The following KDM3A variants were observed in gnomAD, a reference collection of about 807,000 sequenced individuals.
KDM3A encodes lysine-specific demethylase 3A.
KDM3A carries 60 observed loss-of-function variants against 158.0 expected under a neutral mutation model. The ratio of observed to expected loss-of-function variants is 0.38; its 90% CI spans 0.31 to 0.47. The LOEUF (loss-of-function observed/expected upper bound fraction) is 0.47, where lower values mean the gene tolerates loss of function less well. Among genes scored for constraint, KDM3A ranks in the 20% least tolerant of loss-of-function variants. The pLI, the probability that KDM3A is intolerant of heterozygous loss-of-function variation, is 0.99. For missense variants in KDM3A, 1,319 were observed against 1,574.3 expected (o/e 0.84, Z 2.74); for synonymous variants, 608 against 549.3 (o/e 1.11, Z -1.49).
chr2:86,488,973 T>C (rs997741995), intron 21 of KDM3A: 3 of 225,978 alleles, frequency 1.3e-5, no homozygotes, highest in African/African-American at 7.0e-5. Context: ...GGACTCCCCA[T>C]CTCGAGTGGT....
At chr2:86,474,701 TTGTGTG>T (rs369518183) in intron 11 of KDM3A, 69 bp from the exon 12 acceptor site, 965 of 429,126 alleles carry the variant, frequency 2.2e-3, no homozygotes, top group African/African-American at 6.5e-3. Context: ...TGTAAATAAG[TTGTGTG>T]TGTGTGTGTG....
chr2:86,481,634 T>TA (rs1180871868), intron 16 of KDM3A, among the ~76,000 whole-genome samples: 1 of 152,144 alleles, frequency 6.6e-6, no homozygotes, highest in Non-Finnish European at 1.5e-5. Flanking sequence ...ATGCTGCCAA[T>TA]ATTTGTAGAC....
At chr2:86,465,386 GTT>G (rs112192028) in intron 9 of KDM3A, among the ~76,000 whole-genome samples, 1 of 151,562 alleles carries the variant, frequency 6.6e-6, no homozygotes, top group East Asian at 1.9e-4. Flanking sequence ...CAGTTTGTTA[GTT>G]TTTTTTTAGT....
intron 2 of KDM3A, among the ~76,000 whole-genome samples, chr2:86,446,801 C>G (rs1236521504): frequency 3.9e-5 from 6 of 152,148 alleles, no homozygotes; most frequent in African/African-American, 1.2e-4. Context: ...AACCTTAAGG[C>G]ACAAATGAAA....
chr2:86,489,118 T>C, intron 21 of KDM3A, 200 bp from the exon 22 acceptor site: 1 of 547,824 alleles, frequency 1.8e-6, no homozygotes, highest in Non-Finnish European at 3.1e-6. Flanking sequence ...CATTTCCTGC[T>C]GTTTTTGGCT....
At chr2:86,444,344 C>T (rs982790268) in intron 2 of KDM3A, among the ~76,000 whole-genome samples, 1 of 152,138 alleles carries the variant, frequency 6.6e-6, no homozygotes, top group Non-Finnish European at 1.5e-5. Flanking sequence ...GGATTTTTGC[C>T]TTACTTGTAC....
At chr2:86,484,504 T>A (rs553885321) in intron 19 of KDM3A, among the ~76,000 whole-genome samples, 1 of 152,166 alleles carries the variant, frequency 6.6e-6, no homozygotes, top group Non-Finnish European at 1.5e-5. Flanking sequence ...GTTGGTTAGT[T>A]GGGATGCTGC....
upstream of KDM3A, among the ~76,000 whole-genome samples, chr2:86,437,489 G>A (rs1216613898): frequency 6.6e-6 from 1 of 152,122 alleles, no homozygotes; most frequent in Admixed American, 6.5e-5. Context: ...AGCATGTATT[G>A]CATAGTTTAT....
rs1047064452 is a variant in KDM3A at position 86,492,630 on chromosome 2, C to T, written c.*511C>T. The T allele has an allele frequency of 1.3e-5, 2 of 152,740 alleles. No individual in the cohort carries two copies. The highest frequency in any genetic ancestry group is 6.5e-5 in the Admixed American group (1 of 15,288). The allele number at this position is 152,740 out of a possible 1,614,324, so 9.5% of individuals were successfully genotyped here. On this transcript the variant is annotated 3_prime_UTR_variant, in exon 26 of 26. Transcript: ENST00000312912. ...TACTGTACAATTTCTTGGGGTTAAC[C>T]ATCTTTAGTTAAATGGAATTTTAAT...
intron 21 of KDM3A, 48 bp from the exon 22 acceptor site, chr2:86,489,270 G>A (rs1271903393): frequency 1.3e-6 from 2 of 1,589,876 alleles, no homozygotes. Flanking sequence ...AAAGACTGTG[G>A]CAGCCTTTGT....
At position 86,492,621 on chromosome 2, in the gene KDM3A, G is replaced by T. The variant is rs760201986; in HGVS notation, c.*502G>T. On this transcript the variant is annotated 3_prime_UTR_variant, in exon 26 of 26. Transcript: ENST00000312912. ...GAAATCAACTACTGTACAATTTCTT[G>T]GGGTTAACCATCTTTAGTTAAATGG... The T allele has an allele frequency of 3.9e-5, 6 of 152,936 alleles. No homozygotes were observed. The highest frequency in any genetic ancestry group is 1.4e-4 in the African/African-American group (6 of 41,572). 9.5% of individuals were successfully genotyped at this position (152,936 alleles called of 1,614,324 possible).
chr2:86,444,607 TAA>T (rs1682879493), intron 2 of KDM3A, among the ~76,000 whole-genome samples: 1 of 139,340 alleles, frequency 7.2e-6, no homozygotes, highest in South Asian at 2.2e-4. Flanking sequence ...ACCAAGTAAC[TAA>T]GACCATGCTT....
intron 19 of KDM3A, 133 bp from the exon 20 acceptor site, chr2:86,484,809 A>G (rs1466432164): frequency 7.1e-6 from 4 of 559,948 alleles, no homozygotes; most frequent in Non-Finnish European, 9.6e-6. Context: ...TGTATACTAA[A>G]TTTATCAGGT....
In KDM3A at chr2:86,466,272, T is replaced by A. The variant is rs535901695; in HGVS notation, c.1008-100T>A. ...CATATGAGAAATTTTCTTTTTTCTT[T>A]CATACTCGTTACCTTAGGGAACCAA... On this transcript the variant is annotated intron_variant, in intron 9 of 25. Transcript: ENST00000312912. The A allele has an allele frequency of 1.9e-4, 232 of 1,249,492 alleles. No homozygotes were observed. In the African/African-American group the frequency reaches 3.2e-3, roughly 17 times the overall value. The allele number at this position is 1,249,492 out of a possible 1,614,324, so 77.4% of individuals were successfully genotyped here. A position where few individuals can be genotyped will look rare whatever the true frequency, so the allele number is the denominator to read the frequency against.
In KDM3A at chr2:86,487,867, C is replaced by T. The variant is rs569324336; in HGVS notation, c.3314-1451C>T. On this transcript the variant is annotated intron_variant, in intron 21 of 25. Coordinates refer to ENST00000312912, the MANE Select transcript of KDM3A (RefSeq NM_018433.6). The stretch of plus-strand genomic sequence containing the variant: ...GACTGGGATCCAGTGGACTTTGGGC[C>T]AGTGGCTGGGCAGCAGTTATTTCCT... 2.6e-5 allele frequency: 4 copies of T among 152,262 alleles called. No individual in the cohort carries two copies. The South Asian group carries it at 8.3e-4, about 32-fold the overall frequency. 9.4% of individuals were successfully genotyped at this position (152,262 alleles called of 1,614,324 possible).
At chr2:86,444,460 C>T (rs915016419) in intron 2 of KDM3A, among the ~76,000 whole-genome samples, 3 of 151,898 alleles carry the variant, frequency 2.0e-5, no homozygotes, top group African/African-American at 4.8e-5. Context: ...AGTTTGGGGG[C>T]CATGTTGCAT....
intron 2 of KDM3A, among the ~76,000 whole-genome samples, 198 bp from the exon 3 acceptor site, chr2:86,449,609 G>T (rs779840461): frequency 9.9e-5 from 15 of 152,192 alleles, no homozygotes; most frequent in African/African-American, 2.9e-4. Flanking sequence ...CCCGAAGTGA[G>T]TTGGGAGCCA....
At chr2:86,458,513 G>A (rs1429429342) in intron 8 of KDM3A, among the ~76,000 whole-genome samples, 3 of 152,208 alleles carry the variant, frequency 2.0e-5, no homozygotes, top group Non-Finnish European at 2.9e-5. Context: ...TACTCACTGT[G>A]TGGTGGATAC....
chr2:86,438,243 T>G (rs571751544), upstream of KDM3A, among the ~76,000 whole-genome samples: 30 of 152,150 alleles, frequency 2.0e-4, no homozygotes, highest in Non-Finnish European at 3.2e-4. Flanking sequence ...TATTTTCTCC[T>G]TTAATTTGTT....
Sources: gnomAD v4.1 joint callset for allele counts (sites outside exome capture counted in the v4.1 genomes callset) on GRCh38, gnomAD v4.1.1 for gene constraint, MANE v1.5 for transcripts, NCBI Gene and HGNC (gene_info 2026-07-23, HGNC 2026-07-21) for gene names.